MEGF11: variants seen among roughly 807,000 people sequenced by gnomAD.
MEGF11 encodes multiple epidermal growth factor-like domains protein 11.
In MEGF11, 126 loss-of-function variants were observed where a neutral mutation model predicts 146.6. The ratio of observed to expected loss-of-function variants is 0.86; its 90% CI spans 0.74 to 1.00. The LOEUF is 1.00. Among genes scored for constraint, MEGF11 ranks in the 50% least tolerant of loss-of-function variants. MEGF11 has a pLI of 0.00. For missense variants in MEGF11, 1,509 were observed against 1,521.2 expected (o/e 0.99, Z 0.13); for synonymous variants, 532 against 583.4 (o/e 0.91, Z 1.27).
intron 13 of MEGF11, among the ~76,000 whole-genome samples, chr15:65,925,958 A>G (rs959808047): frequency 2.0e-5 from 3 of 152,220 alleles, no homozygotes; most frequent in Non-Finnish European, 2.9e-5. Context: ...CTCCCCTGCC[A>G]GCAATTTGAA....
intron 5 of MEGF11, among the ~76,000 whole-genome samples, chr15:66,042,682 C>T (rs1034509990): frequency 1.3e-5 from 2 of 152,178 alleles, no homozygotes; most frequent in Non-Finnish European, 2.9e-5. Flanking sequence ...TTAGGGCAGT[C>T]CCTCCTCGCC....
At chr15:66,227,734 G>C (rs1426185351) in intron 1 of MEGF11, among the ~76,000 whole-genome samples, 3 of 152,248 alleles carry the variant, frequency 2.0e-5, no homozygotes. Context: ...GGCTTCTGCT[G>C]TTTGGGACAT....
intron 1 of MEGF11, among the ~76,000 whole-genome samples, chr15:66,208,780 G>T (rs530175962): frequency 6.6e-6 from 1 of 152,214 alleles, no homozygotes; most frequent in African/African-American, 2.4e-5. Flanking sequence ...TACTCAGGAG[G>T]CTGAGGCAGG....
chr15:66,068,735 A>G (rs1009368020), intron 5 of MEGF11, among the ~76,000 whole-genome samples: 7 of 152,230 alleles, frequency 4.6e-5, no homozygotes, highest in Non-Finnish European at 1.0e-4. Flanking sequence ...TCTGTTCTTC[A>G]GGTGACTGAA....
intron 1 of MEGF11, among the ~76,000 whole-genome samples, chr15:66,224,308 C>G (rs190097057): frequency 6.6e-6 from 1 of 152,250 alleles, no homozygotes; most frequent in East Asian, 1.9e-4. Flanking sequence ...AGCACAGTGG[C>G]TCATGTCTGT....
intron 1 of MEGF11, among the ~76,000 whole-genome samples, chr15:66,152,345 T>C (rs2089600653): frequency 6.6e-6 from 1 of 152,112 alleles, no homozygotes; most frequent in Admixed American, 6.6e-5. Flanking sequence ...GAGCAGCTCA[T>C]GAAGGAACTG....
At position 65,922,447 on chromosome 15, in the gene MEGF11, G is replaced by T. The variant is rs11637551; in HGVS notation, c.1848C>A (p.His616Gln). 1.3e-5 allele frequency: 20 copies of T among 1,580,038 alleles called. No homozygotes were observed. ...QRICPPGFYG[H>Q]GCAQPCPLCV... ...AGAGGGGGCATGGCTGGGCGCAGCC[G>T]TGGCCATAGAACCCAGGGGGGCAGA... Residue 616 changes from histidine to glutamine, a missense_variant, in exon 15 of 26, where the codon CAC (histidine) becomes CAA (glutamine). By Grantham distance (24) the His-to-Gln change is conservative (BLOSUM62 0). Coordinates refer to ENST00000395614, the MANE Select transcript of MEGF11 (RefSeq NM_001385028.1).
chr15:65,984,539 A>AAAAC (rs2081781347), intron 5 of MEGF11, among the ~76,000 whole-genome samples: 1 of 149,378 alleles, frequency 6.7e-6, no homozygotes, highest in East Asian at 1.9e-4. Flanking sequence ...AAAAAAAAAA[A>AAAAC]AAAAAAAAAA....
intron 4 of MEGF11, among the ~76,000 whole-genome samples, chr15:66,110,939 C>A (rs548001186): frequency 1.1e-4 from 16 of 152,216 alleles, no homozygotes; most frequent in African/African-American, 3.9e-4. Context: ...GTCCCCTCCT[C>A]CCCCTCCAAA....
intron 5 of MEGF11, among the ~76,000 whole-genome samples, chr15:66,079,550 G>GCCCCCCCCCCCCCCC: frequency 1.3e-5 from 1 of 74,574 alleles, no homozygotes; most frequent in African/African-American, 6.5e-5. Flanking sequence ...CCCCCCCCCA[G>GCCCCCCCCCCCCCCC]CACCCCCGCC....
At chr15:66,104,031 A>C (rs2086950534) in intron 4 of MEGF11, among the ~76,000 whole-genome samples, 1 of 152,244 alleles carries the variant, frequency 6.6e-6, no homozygotes, top group Non-Finnish European at 1.5e-5. Context: ...ACACATGTAG[A>C]GAGTGAAATG....
At chr15:66,144,815 A>G (rs1424621548) in intron 1 of MEGF11, among the ~76,000 whole-genome samples, 3 of 152,216 alleles carry the variant, frequency 2.0e-5, no homozygotes, top group Admixed American at 2.0e-4. Flanking sequence ...TCCTATCTGT[A>G]GAGACAAACC....
chr15:66,082,707 CTGT>C lies in MEGF11; in HGVS notation c.394+11692_394+11694del, dbSNP rs150465610. On this transcript the variant is annotated intron_variant, in intron 5 of 25. Coordinates refer to ENST00000395614, the MANE Select transcript of MEGF11 (RefSeq NM_001385028.1). ...AAAAAAAAAGGGCGGTGCGGAGGGA[CTGT>C]TTACGTGAAGCATTTGCACACAGCG... 5.9e-3 allele frequency among the ~76,000 whole-genome samples: 718 copies of C among 122,168 alleles called. 9 individuals are homozygous for C. The highest frequency in any genetic ancestry group is 0.021 in the African/African-American group (670 of 32,590). 80.1% of individuals were successfully genotyped at this position (122,168 alleles called of 152,430 possible).
chr15:65,979,563 T>G (rs2081562980), intron 7 of MEGF11, among the ~76,000 whole-genome samples: 1 of 152,166 alleles, frequency 6.6e-6, no homozygotes, highest in Non-Finnish European at 1.5e-5. Context: ...AGCGTGTTAC[T>G]GGAGAGTCAG....
intron 8 of MEGF11, among the ~76,000 whole-genome samples, chr15:65,965,717 C>A (rs1330700585): frequency 2.0e-5 from 3 of 149,774 alleles, no homozygotes; most frequent in African/African-American, 7.4e-5. Context: ...GACACCAAAC[C>A]TGTCGGCCCC....
chr15:66,248,483 G>T (rs1027580475), intron 1 of MEGF11, among the ~76,000 whole-genome samples: 2 of 152,160 alleles, frequency 1.3e-5, no homozygotes, highest in Non-Finnish European at 2.9e-5. Context: ...CTATCCCAAG[G>T]TTTGGCATTC....
At position 66,130,599 on chromosome 15, in the gene MEGF11, A is replaced by G. The variant is rs368716445; in HGVS notation, c.-8-2188T>C. Among the ~76,000 whole-genome samples the G allele has an allele frequency of 3.9e-5, 6 of 152,050 alleles. No individual in the cohort carries two copies. The East Asian group carries it at 5.8e-4, about 15-fold the overall frequency. On this transcript the variant is annotated intron_variant, in intron 1 of 25. Transcript: ENST00000395614. ...GATTTTAAAATCCTCATGAAAAGAA[A>G]GAGAGAGAGGGAAAGGAAAGGAAAG...
chr15:66,150,770 G>C (rs2089537408), intron 1 of MEGF11, among the ~76,000 whole-genome samples: 1 of 151,320 alleles, frequency 6.6e-6, no homozygotes, highest in Non-Finnish European at 1.5e-5. Context: ...GGTCTAAAGA[G>C]AGGAAAGATC....
Position 65,898,077 on chromosome 15 carries a change from C to G in MEGF11, c.3280G>C (p.Val1094Leu). The change falls in exon 26 of 26, where the codon GTC (valine) becomes CTC (leucine). Residue 1094 changes from valine to leucine, a missense_variant. Physicochemically the swap from Val to Leu is conservative, Grantham distance 32 (BLOSUM62 1). Coordinates refer to ENST00000395614, the MANE Select transcript of MEGF11 (RefSeq NM_001385028.1). ...GAGTTATGACCGCAACCTTCTTGGA[C>G]CACACTGACTGTGGGCTCTAAGAAA... ...IYEVEPTVSV[V>L]QEGCGHNSSY... 6.2e-7 allele frequency: 1 copy of G among 1,613,554 alleles called. No individual in the cohort carries two copies. Among genetic ancestry groups the G allele is most frequent in the Non-Finnish European group, 8.5e-7 (1 of 1,179,670 alleles).
Sources: allele counts gnomAD v4.1 joint callset (sites outside exome capture counted in the v4.1 genomes callset), GRCh38; gene constraint gnomAD v4.1.1; transcripts MANE v1.5; gene names NCBI Gene and HGNC (gene_info 2026-07-23, HGNC 2026-07-21).